NAALADL2: variants seen among roughly 807,000 people sequenced by gnomAD.
NAALADL2 encodes the protein inactive N-acetylated-alpha-linked acidic dipeptidase-like protein 2.
NAALADL2 carries 76 observed loss-of-function variants against 87.2 expected under a neutral mutation model. That is an observed-to-expected ratio of 0.87 (90% confidence interval 0.72 to 1.05). NAALADL2 has a LOEUF of 1.05. Ranked by LOEUF, NAALADL2 falls within the 50% of genes least tolerant of loss-of-function variation. The probability of loss-of-function intolerance (pLI) is 0.00; values close to 1 mark genes in which losing one functional copy is unlikely to be tolerated. For missense variants in NAALADL2, 1,089 were observed against 945.8 expected (o/e 1.15, Z -1.99); for synonymous variants, 354 against 331.0 (o/e 1.07, Z -0.75).
At chr3:175,687,546 T>C (rs1357782161) in intron 11 of NAALADL2, among the ~76,000 whole-genome samples, 6 of 152,164 alleles carry the variant, frequency 3.9e-5, no homozygotes, top group East Asian at 1.9e-4. Context: ...TCCTGAGTTA[T>C]GTGACTAGCA....
chr3:175,093,433 T>C (rs1720537792), intron 1 of NAALADL2, among the ~76,000 whole-genome samples: 1 of 146,202 alleles, frequency 6.8e-6, no homozygotes, highest in Non-Finnish European at 1.5e-5. Context: ...TATATATATA[T>C]GTTTTAAGTG....
chr3:175,047,168 T>G (rs764746128), intron 1 of NAALADL2, among the ~76,000 whole-genome samples: 41 of 152,154 alleles, frequency 2.7e-4, no homozygotes, highest in Admixed American at 1.3e-4. Context: ...ATTGGGGGTT[T>G]GAATTTCAAC....
chr3:175,432,073 T>G (rs1290319348), intron 5 of NAALADL2, among the ~76,000 whole-genome samples: 1 of 152,006 alleles, frequency 6.6e-6, no homozygotes, highest in East Asian at 1.9e-4. Flanking sequence ...GAATTTTAAT[T>G]TTGAAAGCTA....
At chr3:174,762,902 T>G (rs1713224444) in intron 3 of NAALADL2, among the ~76,000 whole-genome samples, 1 of 152,184 alleles carries the variant, frequency 6.6e-6, no homozygotes, top group Admixed American at 6.5e-5. Context: ...TTCTTAATAA[T>G]TGAAATGTAT....
At chr3:174,451,320 T>C (rs1305136224) in intron 1 of NAALADL2, among the ~76,000 whole-genome samples, 1 of 152,218 alleles carries the variant, frequency 6.6e-6, no homozygotes, top group Non-Finnish European at 1.5e-5. Context: ...CTTGATTTCA[T>C]TGCTGCCTGA....
rs1350234995 is a variant in NAALADL2 at position 175,314,700 on chromosome 3, A to AGTTCTAAC, written c.940-9475_940-9474insGTTCTAAC. Among the ~76,000 whole-genome samples the AGTTCTAAC allele has an allele frequency of 1.3e-3, 109 of 84,892 alleles. 1 individual carries two copies. Among genetic ancestry groups the AGTTCTAAC allele is most frequent in the African/African-American group, 2.8e-3 (68 of 23,956 alleles). The allele number at this position is 84,892 out of a possible 152,430, so 55.7% of individuals were successfully genotyped here. A position where few individuals can be genotyped will look rare whatever the true frequency, so the allele number is the denominator to read the frequency against. ...TATATATATATATATATATATATAT[A>AGTTCTAAC]TATATATATATATATATATATAGTT... On this transcript the variant is annotated intron_variant, in intron 4 of 13. Coordinates refer to ENST00000454872, the MANE Select transcript of NAALADL2 (RefSeq NM_207015.3).
rs983872329 is a variant in NAALADL2 at position 175,022,952 on chromosome 3, G to T, written c.44-73838G>T. Among the ~76,000 whole-genome samples the T allele has an allele frequency of 9.9e-5, 15 of 152,152 alleles. No individual in the cohort carries two copies. In the South Asian group the frequency reaches 1.5e-3, roughly 15 times the overall value. On this transcript the variant is annotated intron_variant, in intron 1 of 13. Transcript: ENST00000454872. ...CTGCTCCGGAAGAGCCCTGTAGTTT[G>T]TTTGTTTTAATTACGTCCAGTTTCC...
chr3:175,573,905 T>TG (rs5854645), intron 9 of NAALADL2, among the ~76,000 whole-genome samples: 26,506 of 152,094 alleles, frequency 0.17, 2,566 homozygotes, highest in African/African-American at 0.24. Context: ...ATTTCCAAAG[T>TG]GGTTAATCAG....
intron 1 of NAALADL2, among the ~76,000 whole-genome samples, chr3:174,946,497 A>G (rs1018660040): frequency 2.6e-5 from 4 of 152,202 alleles, no homozygotes; most frequent in Non-Finnish European, 5.9e-5. Flanking sequence ...ATATAGGATT[A>G]CTTTGAGAAT....
chr3:175,600,063 T>G (rs1722749271), intron 10 of NAALADL2, among the ~76,000 whole-genome samples: 2 of 151,992 alleles, frequency 1.3e-5, no homozygotes, highest in African/African-American at 4.8e-5. Flanking sequence ...AAACTGCACA[T>G]AATTTTAAAG....
At chr3:175,440,406 T>G (rs893133087) in intron 5 of NAALADL2, among the ~76,000 whole-genome samples, 1 of 152,162 alleles carries the variant, frequency 6.6e-6, no homozygotes, top group African/African-American at 2.4e-5. Flanking sequence ...AATTTTTTTT[T>G]CTAGTTCTGT....
At chr3:175,626,444 G>C (rs893837649) in intron 10 of NAALADL2, among the ~76,000 whole-genome samples, 4 of 151,646 alleles carry the variant, frequency 2.6e-5, no homozygotes, top group African/African-American at 9.7e-5. Context: ...TTAATTTCTA[G>C]AAAGAATAAT....
At chr3:174,625,766 A>G (rs1012353517) in intron 2 of NAALADL2, among the ~76,000 whole-genome samples, 2 of 152,024 alleles carry the variant, frequency 1.3e-5, no homozygotes, top group African/African-American at 2.4e-5. Context: ...ATAACAAAAA[A>G]TGTTTACAAT....
chr3:175,152,930 A>G (rs1395812578), intron 2 of NAALADL2, among the ~76,000 whole-genome samples: 1 of 151,978 alleles, frequency 6.6e-6, no homozygotes, highest in Non-Finnish European at 1.5e-5. Flanking sequence ...AAAAATTCTA[A>G]TGTATCTAAA....
intron 1 of NAALADL2, among the ~76,000 whole-genome samples, chr3:174,497,892 G>A (rs73881177): frequency 0.014 from 2,141 of 152,172 alleles, 50 homozygotes; most frequent in African/African-American, 0.049. Context: ...CCTGATAAGT[G>A]ATATCTTTGG....
chr3:174,929,402 T>C (rs1736544493), intron 1 of NAALADL2, among the ~76,000 whole-genome samples: 2 of 152,218 alleles, frequency 1.3e-5, no homozygotes, highest in South Asian at 2.1e-4. Context: ...TTTTCTTCTT[T>C]TTCCTTATTC....
At chr3:175,363,622 T>G (rs1765262013) in intron 5 of NAALADL2, among the ~76,000 whole-genome samples, 1 of 148,010 alleles carries the variant, frequency 6.8e-6, no homozygotes, top group Admixed American at 6.9e-5. Context: ...TAAACATGCA[T>G]GTACCTTAAT....
At chr3:174,472,756 G>A (rs944751016) in intron 1 of NAALADL2, among the ~76,000 whole-genome samples, 4 of 151,636 alleles carry the variant, frequency 2.6e-5, no homozygotes, top group African/African-American at 7.3e-5. Flanking sequence ...GTATCTTGCT[G>A]GCTGTAATAG....
intron 2 of NAALADL2, among the ~76,000 whole-genome samples, chr3:175,123,597 C>T (rs896780089): frequency 6.6e-6 from 1 of 151,896 alleles, no homozygotes; most frequent in African/African-American, 2.4e-5. Context: ...GGGTTACCTG[C>T]AGTTGTCTAG....
Sources: gnomAD v4.1 joint callset for allele counts (sites outside exome capture counted in the v4.1 genomes callset) on GRCh38, gnomAD v4.1.1 for gene constraint, MANE v1.5 for transcripts, NCBI Gene and HGNC (gene_info 2026-07-23, HGNC 2026-07-21) for gene names.